The following KCTD8 variants were observed in gnomAD, a reference collection of about 807,000 sequenced individuals.
KCTD8 encodes potassium channel tetramerization domain containing 8.
In KCTD8, 27 loss-of-function variants were observed where a neutral mutation model predicts 31.5. The observed-to-expected ratio is 0.86, with a 90% confidence interval of 0.63 to 1.18. The LOEUF is 1.18. Ranked by LOEUF, KCTD8 falls within the 50% of genes most tolerant of loss-of-function variation. The probability of loss-of-function intolerance (pLI) is 0.00; values close to 1 mark genes in which losing one functional copy is unlikely to be tolerated. For missense variants in KCTD8, 658 were observed against 647.7 expected (o/e 1.02, Z -0.17); for synonymous variants, 290 against 280.0 (o/e 1.04, Z -0.36).
chr4:44,187,560 T>C (rs1253505207), intron 1 of KCTD8, among the ~76,000 whole-genome samples: 1 of 152,222 alleles, frequency 6.6e-6, no homozygotes, highest in East Asian at 1.9e-4. Context: ...GTTTTTCACA[T>C]GCCCAGGTAG....
chr4:44,404,118 C>T (rs1485081590), intron 1 of KCTD8, among the ~76,000 whole-genome samples: 1 of 151,932 alleles, frequency 6.6e-6, no homozygotes. Context: ...CTGCTTAATC[C>T]CTAAAACCAA....
intron 1 of KCTD8, among the ~76,000 whole-genome samples, chr4:44,393,364 T>G (rs1391326605): frequency 6.6e-6 from 1 of 151,808 alleles, no homozygotes; most frequent in Non-Finnish European, 1.5e-5. Flanking sequence ...CCTAAGAAAA[T>G]TAGTGTAAAG....
At chr4:44,293,899 G>A (rs1717354789) in intron 1 of KCTD8, 1 of 399,294 alleles carries the variant, frequency 2.5e-6, no homozygotes, top group Middle Eastern at 3.6e-4. Context: ...CATAGAGAAT[G>A]AGATAATTCC....
At position 44,448,046 on chromosome 4, in the gene KCTD8, C is replaced by T. The variant is rs1328164434; in HGVS notation, c.478G>A (p.Gly160Ser). Residue 160 changes from glycine to serine, a missense_variant, in exon 1 of 2, where the codon GGC becomes AGC. Coordinates refer to ENST00000360029, the MANE Select transcript of KCTD8 (RefSeq NM_198353.3). The surrounding 1 kb of genome is among the most constrained non-coding windows in gnomAD (Gnocchi z 4.1). ...VTKQNSLNDE[G>S]CQSDLEDNVS... ...TTGTCCTCCAGGTCGCTCTGGCAGC[C>T]CTCGTCGTTGAGAGAGTTCTGCTTG... 1.9e-6 allele frequency: 3 copies of T among 1,611,084 alleles called. No homozygotes were observed. In the Admixed American group the frequency reaches 5.0e-5, roughly 27 times the overall value.
rs376122428 is a variant in KCTD8, at chr4:44,385,300, C to A, written c.961+62263G>T. Reference sequence around the variant, plus strand: ...GGTCTCACATTTCCCAACTTCAAAACCTATTACAGATCTACAGGAATTAAA... The same window carrying A: ...GGTCTCACATTTCCCAACTTCAAAAACTATTACAGATCTACAGGAATTAAA... On this transcript the variant is annotated intron_variant, in intron 1 of 1. Coordinates refer to ENST00000360029, the MANE Select transcript of KCTD8 (RefSeq NM_198353.3). Among the ~76,000 whole-genome samples the A allele has an allele frequency of 3.8e-4, 57 of 151,592 alleles. 1 individual carries two copies. The South Asian group carries it at 0.011, about 30-fold the overall frequency.
intron 1 of KCTD8, among the ~76,000 whole-genome samples, chr4:44,429,513 T>C (rs1234273616): frequency 3.3e-5 from 5 of 151,734 alleles, no homozygotes; most frequent in Non-Finnish European, 5.9e-5. Context: ...ACAAGCCAAA[T>C]TGGCATGTGC....
chr4:44,447,063 G>A (rs559630393), intron 1 of KCTD8, among the ~76,000 whole-genome samples: 26 of 152,314 alleles, frequency 1.7e-4, no homozygotes, highest in Admixed American at 1.6e-3. Flanking sequence ...GCTCCCGCGC[G>A]GCAGCTGCAC....
In KCTD8 at chr4:44,174,337, G is replaced by A. The variant is rs1560385584; in HGVS notation, c.*453C>T. On this transcript the variant is annotated 3_prime_UTR_variant, in exon 2 of 2. Coordinates refer to ENST00000360029, the MANE Select transcript of KCTD8 (RefSeq NM_198353.3). ...ATGCAAAAATAATACTTGTTTCATTGAATTAACATTTAGACAGCTTTAGAT... is the reference window on the plus strand; with the variant it reads ...ATGCAAAAATAATACTTGTTTCATTAAATTAACATTTAGACAGCTTTAGAT... The A allele has an allele frequency of 6.6e-6, 1 of 152,524 alleles. No homozygotes were observed. The highest frequency in any genetic ancestry group is 1.5e-5 in the Non-Finnish European group (1 of 68,416). 9.4% of individuals were successfully genotyped at this position (152,524 alleles called of 1,614,324 possible).
intron 1 of KCTD8, among the ~76,000 whole-genome samples, chr4:44,283,238 C>G (rs1441756665): frequency 6.6e-6 from 1 of 151,806 alleles, no homozygotes; most frequent in Non-Finnish European, 1.5e-5. Flanking sequence ...TTAGTAGAGA[C>G]AAGGTTTTGC....
chr4:44,371,098 A>T (rs1719772042), intron 1 of KCTD8, among the ~76,000 whole-genome samples: 1 of 151,918 alleles, frequency 6.6e-6, no homozygotes, highest in Admixed American at 6.6e-5. Flanking sequence ...TGGCCCAAGA[A>T]CCAGGAGTGC....
At chr4:44,229,930 A>G (rs1715073742) in intron 1 of KCTD8, among the ~76,000 whole-genome samples, 1 of 151,998 alleles carries the variant, frequency 6.6e-6, no homozygotes, top group Admixed American at 6.6e-5. Context: ...TGCACCCATC[A>G]ACACGTCATC....
At chr4:44,179,881 T>A (rs904137889) in intron 1 of KCTD8, among the ~76,000 whole-genome samples, 1 of 152,166 alleles carries the variant, frequency 6.6e-6, no homozygotes, top group East Asian at 1.9e-4. Context: ...TGAGAAAAAT[T>A]AATTAGGTAA....
intron 1 of KCTD8, among the ~76,000 whole-genome samples, chr4:44,272,357 C>T (rs1254286496): frequency 6.6e-6 from 1 of 151,570 alleles, no homozygotes; most frequent in Admixed American, 6.6e-5. Flanking sequence ...AAAAGTACTT[C>T]TACTGTATAT....
intron 1 of KCTD8, among the ~76,000 whole-genome samples, chr4:44,255,700 A>C (rs1467634604): frequency 1.3e-5 from 2 of 151,904 alleles, no homozygotes; most frequent in Non-Finnish European, 1.5e-5. Flanking sequence ...CATGTAAAAA[A>C]TAATCTTGTA....
rs1297019068 is a variant in KCTD8 at position 44,447,826 on chromosome 4, G to T, written c.698C>A (p.Ala233Glu). 1.9e-6 allele frequency: 3 copies of T among 1,597,198 alleles called. No individual in the cohort carries two copies. The highest frequency in any genetic ancestry group is 2.6e-6 in the Non-Finnish European group (3 of 1,170,348). ...NQADAKFRRV[A>E]RIMVCGRIAL... is the part of the protein sequence containing the mutation. The stretch of plus-strand genomic sequence containing the variant: ...GATGCGCCCGCACACCATGATGCGC[G>T]CCACACGCCGGAATTTGGCGTCGGC... The change falls in exon 1 of 2, where the codon GCG becomes GAG. Residue 233 changes from alanine (A) to glutamate (E), a missense_variant. Physicochemically the swap from Ala to Glu is moderately radical, Grantham distance 107. Coordinates refer to ENST00000360029, the MANE Select transcript of KCTD8 (RefSeq NM_198353.3).
At chr4:44,228,908 C>G (rs1359817679) in intron 1 of KCTD8, among the ~76,000 whole-genome samples, 1 of 152,058 alleles carries the variant, frequency 6.6e-6, no homozygotes, top group Non-Finnish European at 1.5e-5. Context: ...ATTTTCTAAC[C>G]TTTTTTTGTA....
At position 44,307,005 on chromosome 4, in the gene KCTD8, T is replaced by C. The variant is rs541472512; in HGVS notation, c.962-131755A>G. On this transcript the variant is annotated intron_variant, in intron 1 of 1. Coordinates refer to ENST00000360029, the MANE Select transcript of KCTD8 (RefSeq NM_198353.3). The stretch of plus-strand genomic sequence containing the variant: ...GACATTTTGACCTGAGAAAGTGACC[T>C]GACACTCGCCATCCAATATGTAATT... Among the ~76,000 whole-genome samples the C allele has an allele frequency of 3.0e-4, 45 of 152,130 alleles. No homozygotes were observed. In the South Asian group the frequency reaches 9.1e-3, roughly 31 times the overall value.
intron 1 of KCTD8, among the ~76,000 whole-genome samples, chr4:44,335,738 A>AT (rs1054512330): frequency 3.3e-5 from 5 of 152,198 alleles, no homozygotes; most frequent in African/African-American, 1.2e-4. Flanking sequence ...AACCCCTGTT[A>AT]TATTTACAAT....
rs1055159474 is a variant in KCTD8 at position 44,311,318 on chromosome 4, C to T, written c.962-136068G>A. 3.9e-5 allele frequency among the ~76,000 whole-genome samples: 6 copies of T among 152,144 alleles called. No individual in the cohort carries two copies. The East Asian group carries it at 1.2e-3, about 29-fold the overall frequency. ...TTCTATCTTCCACGGTGTTGCCTTC[C>T]TTCTCCAAATCATTTTCTCTGATAA... On this transcript the variant is annotated intron_variant, in intron 1 of 1. Coordinates refer to ENST00000360029, the MANE Select transcript of KCTD8 (RefSeq NM_198353.3).
Sources: gnomAD v4.1 joint callset for allele counts (sites outside exome capture counted in the v4.1 genomes callset) on GRCh38, gnomAD v4.1.1 for gene constraint, Gnocchi (gnomAD v3.1) non-coding constraint, MANE v1.5 for transcripts, NCBI Gene and HGNC (gene_info 2026-07-23, HGNC 2026-07-21) for gene names.